Variants in DLGAP2 observed in about 807,000 individuals in gnomAD.
DLGAP2 encodes the protein disks large-associated protein 2.
Under a neutral mutation model 100.3 loss-of-function variants are expected in DLGAP2, and 26 were observed. That is an observed-to-expected ratio of 0.26 (90% CI 0.19 to 0.36). The LOEUF is 0.36. Among genes scored for constraint, DLGAP2 ranks in the 10% least tolerant of loss-of-function variants. The pLI, the probability that DLGAP2 is intolerant of heterozygous loss-of-function variation, is 1.00. For synonymous variants in DLGAP2, 886 were observed against 630.1 expected (o/e 1.41, Z -6.08); for missense variants, 1,858 against 1,453.2 (o/e 1.28, Z -4.53).
chr8:1,256,922 C>A (rs1283084775), intron 2 of DLGAP2, among the ~76,000 whole-genome samples: 3 of 152,084 alleles, frequency 2.0e-5, no homozygotes, highest in African/African-American at 7.2e-5. Context: ...ATAGAGGTGG[C>A]CCCGTGTGTG....
chr8:1,286,920 G>A (rs148295824), intron 3 of DLGAP2, among the ~76,000 whole-genome samples: 2,647 of 152,300 alleles, frequency 0.017, 29 homozygotes, highest in South Asian at 0.036. Context: ...TACAATGAGG[G>A]CTTATGCTTG....
At chr8:905,472 A>T (rs1328884584) in intron 1 of DLGAP2, among the ~76,000 whole-genome samples, 1 of 152,062 alleles carries the variant, frequency 6.6e-6, no homozygotes. Flanking sequence ...GCCCTTTTTC[A>T]AATCGAACAG....
intron 3 of DLGAP2, among the ~76,000 whole-genome samples, chr8:1,316,852 A>C (rs1297075968): frequency 6.9e-6 from 1 of 144,918 alleles, no homozygotes; most frequent in Non-Finnish European, 1.5e-5. Context: ...CGTCTCTCCC[A>C]CAGTGGTCTA....
chr8:845,992 C>T (rs1317066795), intron 1 of DLGAP2, among the ~76,000 whole-genome samples: 1 of 152,122 alleles, frequency 6.6e-6, no homozygotes, highest in Non-Finnish European at 1.5e-5. Flanking sequence ...TCTTCGTAAA[C>T]GTTTGTTATT....
At chr8:1,623,734 T>C (rs139727609) in intron 6 of DLGAP2, among the ~76,000 whole-genome samples, 2 of 152,354 alleles carry the variant, frequency 1.3e-5, no homozygotes, top group Non-Finnish European at 2.9e-5. Context: ...GCTGCATTCA[T>C]AGGAGGAAGG....
At chr8:1,371,676 G>T (rs920446289) in intron 3 of DLGAP2, among the ~76,000 whole-genome samples, 1 of 152,216 alleles carries the variant, frequency 6.6e-6, no homozygotes, top group Non-Finnish European at 1.5e-5. Flanking sequence ...ATAAATCATT[G>T]CTAACAGGAC....
chr8:764,008 TAA>T (rs1293573841), intron 1 of DLGAP2, among the ~76,000 whole-genome samples: 1 of 152,224 alleles, frequency 6.6e-6, no homozygotes, highest in African/African-American at 2.4e-5. Context: ...TTTTCATTTT[TAA>T]GAGTCTAGTT....
chr8:1,521,954 C>T (rs111783810), intron 4 of DLGAP2, among the ~76,000 whole-genome samples: 1,851 of 144,446 alleles, frequency 0.013, 68 homozygotes, highest in African/African-American at 0.047. Flanking sequence ...ATTTGGAATA[C>T]TCGGCAGCTG....
At chr8:742,420 G>C (rs1027253568) in intron 1 of DLGAP2, among the ~76,000 whole-genome samples, 5 of 152,132 alleles carry the variant, frequency 3.3e-5, no homozygotes, top group African/African-American at 9.7e-5. Context: ...TGATCTCAAG[G>C]GTCCATAGAG....
intron 1 of DLGAP2, among the ~76,000 whole-genome samples, chr8:847,724 C>G (rs1797097249): frequency 6.6e-6 from 1 of 152,124 alleles, no homozygotes; most frequent in African/African-American, 2.4e-5. Context: ...CCAGGCTGGT[C>G]TCAAAGTCTT....
intron 1 of DLGAP2, chr8:753,598 C>T (rs1189651592): frequency 6.6e-6 from 1 of 152,300 alleles, no homozygotes; most frequent in Non-Finnish European, 1.5e-5. Flanking sequence ...GAAAAGGAGC[C>T]ACAGACGGTG....
chr8:1,039,769 T>C (rs77292490), intron 2 of DLGAP2, among the ~76,000 whole-genome samples: 14 of 108,786 alleles, frequency 1.3e-4, no homozygotes, highest in East Asian at 3.5e-4. Flanking sequence ...GCTCGGTGTG[T>C]GTGGTTGGCT....
At chr8:1,622,722 TA>T (rs897508834) in intron 6 of DLGAP2, among the ~76,000 whole-genome samples, 40 of 151,966 alleles carry the variant, frequency 2.6e-4, no homozygotes, top group Admixed American at 1.6e-3. Flanking sequence ...TTTCACTATT[TA>T]AAAAAAAATT....
intron 2 of DLGAP2, among the ~76,000 whole-genome samples, chr8:1,021,373 A>G (rs1201356895): frequency 6.6e-6 from 1 of 152,194 alleles, no homozygotes; most frequent in Non-Finnish European, 1.5e-5. Context: ...AAATGCTCTA[A>G]GGTGAGAGCA....
At chr8:1,424,931 A>G (rs370403838) in intron 3 of DLGAP2, among the ~76,000 whole-genome samples, 13 of 152,206 alleles carry the variant, frequency 8.5e-5, no homozygotes, top group African/African-American at 2.9e-4. Flanking sequence ...GAAGATCGAG[A>G]AGTTCTGGAG....
At chr8:762,990 A>C (rs1821125448) in intron 1 of DLGAP2, among the ~76,000 whole-genome samples, 1 of 152,090 alleles carries the variant, frequency 6.6e-6, no homozygotes, top group Non-Finnish European at 1.5e-5. Context: ...GGTTTTATTT[A>C]AATGTCCAGT....
At chr8:1,554,420 G>A (rs746302702) in intron 5 of DLGAP2, among the ~76,000 whole-genome samples, 129 of 152,264 alleles carry the variant, frequency 8.5e-4, no homozygotes, top group Non-Finnish European at 1.7e-3. Flanking sequence ...TGGGTGTGGT[G>A]GCCTGGGACA....
At chr8:1,459,979 C>A (rs1014070249) in intron 3 of DLGAP2, among the ~76,000 whole-genome samples, 2 of 152,144 alleles carry the variant, frequency 1.3e-5, no homozygotes, top group Admixed American at 1.3e-4. Context: ...GGTTCGGGAC[C>A]TCGGGTGTTT....
rs7005715 is a variant in DLGAP2, at chr8:1,701,794, G to A, written c.*388G>A. 0.56 allele frequency: 118,133 copies of A among 210,774 alleles called. 35,529 individuals are homozygous for A. Among genetic ancestry groups the A allele is most frequent in the African/African-American group, 0.78 (33,531 of 43,166 alleles). 13.1% of individuals were successfully genotyped at this position (210,774 alleles called of 1,614,324 possible). On this transcript the variant is annotated 3_prime_UTR_variant, in exon 15 of 15. Coordinates refer to ENST00000637795, the MANE Select transcript of DLGAP2 (RefSeq NM_001346810.2). ...TGATAATTAGAGGTAAGAATAACAA[G>A]TAACTATAAACGGGTGCATCCCACC...
Sources: gnomAD v4.1 joint callset for allele counts (sites outside exome capture counted in the v4.1 genomes callset) on GRCh38, gnomAD v4.1.1 for gene constraint, MANE v1.5 for transcripts, NCBI Gene and HGNC (gene_info 2026-07-23, HGNC 2026-07-21) for gene names.